The following GALNT10 variants were observed in gnomAD, a reference collection of about 807,000 sequenced individuals.
The protein encoded by GALNT10 is polypeptide N-acetylgalactosaminyltransferase 10.
Under a neutral mutation model 75.0 loss-of-function variants are expected in GALNT10, and 41 were observed. The observed-to-expected ratio is 0.55, with a 90% CI of 0.43 to 0.71. The LOEUF is 0.71. Among genes scored for constraint, GALNT10 ranks in the 30% least tolerant of loss-of-function variants. The pLI, the probability that GALNT10 is intolerant of heterozygous loss-of-function variation, is 0.00. For synonymous variants in GALNT10, 302 were observed against 313.0 expected (o/e 0.96, Z 0.37); for missense variants, 727 against 818.5 (o/e 0.89, Z 1.36).
intron 3 of GALNT10, among the ~76,000 whole-genome samples, chr5:154,323,921 C>T (rs986586617): frequency 7.2e-4 from 109 of 152,310 alleles, no homozygotes; most frequent in South Asian, 2.1e-4. Flanking sequence ...TCCTGGCCAC[C>T]GCCTCTGCCT....
In GALNT10 at chr5:154,191,445, C is replaced by G. The variant is rs181946553; in HGVS notation, c.159+420C>G. On this transcript the variant is annotated intron_variant, in intron 1 of 11. Coordinates refer to ENST00000297107, the MANE Select transcript of GALNT10 (RefSeq NM_198321.4). ...TGCTTCCCTCCTCCCACCCCCCCCC[C>G]CCCACAACCCCTACCTGCTGATCCC... 6.6e-5 allele frequency among the ~76,000 whole-genome samples: 8 copies of G among 121,114 alleles called. 1 individual carries two copies. Among genetic ancestry groups the G allele is most frequent in the East Asian group, 5.3e-4 (2 of 3,746 alleles). The allele number at this position is 121,114 out of a possible 152,430, so 79.5% of individuals were successfully genotyped here. A position where few individuals can be genotyped will look rare whatever the true frequency, so the allele number is the denominator to read the frequency against.
intron 3 of GALNT10, among the ~76,000 whole-genome samples, chr5:154,316,791 G>T (rs866404411): frequency 4.6e-5 from 7 of 152,326 alleles, no homozygotes; most frequent in Middle Eastern, 3.4e-3. Flanking sequence ...TGAGTCATGA[G>T]CTGGCCAAAG....
chr5:154,319,036 G>C (rs1754638146), intron 3 of GALNT10, among the ~76,000 whole-genome samples: 1 of 152,202 alleles, frequency 6.6e-6, no homozygotes, highest in Non-Finnish European at 1.5e-5. Flanking sequence ...ATTCAAGAGG[G>C]CCTCAACATT....
intron 3 of GALNT10, among the ~76,000 whole-genome samples, chr5:154,302,363 G>C (rs932527100): frequency 6.6e-6 from 1 of 152,238 alleles, no homozygotes; most frequent in Non-Finnish European, 1.5e-5. Flanking sequence ...GCAAATGGGA[G>C]TCAGCCAGCT....
chr5:154,341,170 A>G (rs1339748087), intron 4 of GALNT10, among the ~76,000 whole-genome samples: 1 of 151,818 alleles, frequency 6.6e-6, no homozygotes, highest in Non-Finnish European at 1.5e-5. Flanking sequence ...CCTGTAAAGT[A>G]TTCACAGATG....
chr5:154,313,483 A>G (rs1158040397), intron 3 of GALNT10, among the ~76,000 whole-genome samples: 1 of 152,182 alleles, frequency 6.6e-6, no homozygotes. Context: ...AACTAGTGGC[A>G]AACTGATACT....
intron 1 of GALNT10, among the ~76,000 whole-genome samples, chr5:154,267,186 G>A (rs975376283): frequency 2.0e-5 from 3 of 152,170 alleles, no homozygotes; most frequent in African/African-American, 7.2e-5. Context: ...CCAAATCATG[G>A]CGTGGTAAGT....
chr5:154,297,250 G>A (rs571296719), intron 2 of GALNT10, among the ~76,000 whole-genome samples: 1 of 152,250 alleles, frequency 6.6e-6, no homozygotes, highest in Non-Finnish European at 1.5e-5. Flanking sequence ...CCAAATCCAT[G>A]ACTCAAAGCC....
chr5:154,315,703 G>A (rs1754585950), intron 3 of GALNT10, among the ~76,000 whole-genome samples: 1 of 152,198 alleles, frequency 6.6e-6, no homozygotes, highest in Non-Finnish European at 1.5e-5. Context: ...CCAGGTAAGG[G>A]GCAATCATAG....
chr5:154,250,342 A>C (rs187294357), intron 1 of GALNT10, among the ~76,000 whole-genome samples: 5 of 152,274 alleles, frequency 3.3e-5, no homozygotes, highest in Admixed American at 6.5e-5. Flanking sequence ...CCCATGCATC[A>C]TTTTGGCTGC....
chr5:154,304,567 A>G (rs1754404073), intron 3 of GALNT10, among the ~76,000 whole-genome samples: 1 of 152,172 alleles, frequency 6.6e-6, no homozygotes, highest in Non-Finnish European at 1.5e-5. Context: ...CCCAGTGAAA[A>G]TATCTTTTTT....
Position 154,376,150 on chromosome 5 carries a change from G to C in GALNT10, c.569-127G>C. ...TGCCCTTCTTCTCCCTGTCTGAAAG[G>C]TCTAGTGAGGCAGTGTACAGGAAAG... is the stretch of plus-strand genomic sequence containing the variant. On this transcript the variant is annotated intron_variant, in intron 4 of 11. Transcript: ENST00000297107. This position sits in a 1 kb window ranked among gnomAD's most constrained non-coding sequence, Gnocchi z 4.1. 3 of 695,716 alleles carry C rather than the reference G, an allele frequency of 4.3e-6. No individual in the cohort carries two copies. The highest frequency in any genetic ancestry group is 7.7e-6 in the Non-Finnish European group (3 of 390,206). The allele number at this position is 695,716 out of a possible 1,614,324, so 43.1% of individuals were successfully genotyped here. A position where few individuals can be genotyped will look rare whatever the true frequency, so the allele number is the denominator to read the frequency against.
At chr5:154,393,063 A>AAACAAAAC (rs1554101636) in intron 7 of GALNT10, 12 of 128,532 alleles carry the variant, frequency 9.3e-5, no homozygotes, top group African/African-American at 1.8e-4. Flanking sequence ...TCCACAAAAA[A>AAACAAAAC]AAAAAAAAAA....
chr5:154,385,329 C>G (rs1755793111), intron 6 of GALNT10, among the ~76,000 whole-genome samples: 1 of 152,140 alleles, frequency 6.6e-6, no homozygotes, highest in African/African-American at 2.4e-5. Context: ...TAGCACGGTG[C>G]CAGGCGGACT....
chr5:154,395,564 AG>A (rs1755998453), intron 7 of GALNT10, among the ~76,000 whole-genome samples: 1 of 152,238 alleles, frequency 6.6e-6, no homozygotes, highest in African/African-American at 2.4e-5. Flanking sequence ...CTGTGGTTGC[AG>A]GAAGACAAGA....
At chr5:154,223,344 C>T (rs1400609576) in intron 1 of GALNT10, among the ~76,000 whole-genome samples, 1 of 152,162 alleles carries the variant, frequency 6.6e-6, no homozygotes, top group Non-Finnish European at 1.5e-5. Flanking sequence ...AAGTCACTTC[C>T]CCAGTTCGTA....
intron 4 of GALNT10, among the ~76,000 whole-genome samples, chr5:154,349,886 G>A (rs1256998069): frequency 2.0e-5 from 3 of 152,154 alleles, no homozygotes; most frequent in Non-Finnish European, 4.4e-5. Context: ...CTGAATTCCA[G>A]GAGCTGTGTT....
At chr5:154,335,679 C>T (rs921630391) in intron 4 of GALNT10, among the ~76,000 whole-genome samples, 4 of 152,088 alleles carry the variant, frequency 2.6e-5, no homozygotes, top group Admixed American at 2.0e-4. Context: ...AGGTTCCCAA[C>T]AAAACTAAGT....
At chr5:154,236,310 C>T (rs1753245714) in intron 1 of GALNT10, among the ~76,000 whole-genome samples, 1 of 152,178 alleles carries the variant, frequency 6.6e-6, no homozygotes, top group Non-Finnish European at 1.5e-5. Flanking sequence ...ATGTAAAATG[C>T]CCAGCTCAGT....
Sources: allele counts gnomAD v4.1 joint callset (sites outside exome capture counted in the v4.1 genomes callset), GRCh38; gene constraint gnomAD v4.1.1; non-coding constraint Gnocchi (gnomAD v3.1); transcripts MANE v1.5; gene names NCBI Gene and HGNC (gene_info 2026-07-23, HGNC 2026-07-21).